UBR3: variants seen among roughly 807,000 people sequenced by gnomAD.
The protein encoded by UBR3 is ubiquitin protein ligase E3 component n-recognin 3, also known as E3 ubiquitin-protein ligase UBR3.
UBR3 carries 85 observed loss-of-function variants against 243.2 expected under a neutral mutation model. The ratio of observed to expected loss-of-function variants is 0.35; its 90% CI spans 0.29 to 0.42. The LOEUF (loss-of-function observed/expected upper bound fraction) is 0.42. Ranked by LOEUF, UBR3 falls within the 10% of genes least tolerant of loss-of-function variation. The pLI, the probability that UBR3 is intolerant of heterozygous loss-of-function variation, is 1.00. For synonymous variants in UBR3, 748 were observed against 799.8 expected, an observed-to-expected ratio of 0.94 and a Z score of 1.09; for missense variants, 1,686 against 2,300.8, an observed-to-expected ratio of 0.73 and a Z score of 5.47.
At chr2:169,895,102 A>T in intron 6 of UBR3, 79 bp from the exon 7 acceptor site, 1 of 1,321,272 alleles carries the variant, frequency 7.6e-7, no homozygotes, top group Non-Finnish European at 9.9e-7. Flanking sequence ...TTCCCATTTT[A>T]TGGTTTATGG....
chr2:169,882,003 A>C (rs1488932434), intron 5 of UBR3, among the ~76,000 whole-genome samples: 1 of 125,592 alleles, frequency 8.0e-6, no homozygotes, highest in African/African-American at 3.1e-5. Context: ...ATATTTATAT[A>C]ATATATAATA....
At chr2:169,925,566 T>G in intron 13 of UBR3, 53 bp from the exon 14 acceptor site, 1 of 1,452,844 alleles carries the variant, frequency 6.9e-7, no homozygotes, top group Non-Finnish European at 9.3e-7. Flanking sequence ...TTATAATATT[T>G]TGTAAAGATT....
At position 170,034,278 on chromosome 2, in the gene UBR3, G is replaced by A. The variant is rs140049502; in HGVS notation, c.4556+4830G>A. On this transcript the variant is annotated intron_variant, in intron 31 of 38. Coordinates refer to ENST00000272793, the MANE Select transcript of UBR3 (RefSeq NM_172070.4). ...TGTGCAATGACATTTGGCCACCGTT[G>A]TAGTATCATACAAAGTAGTTTCACT... Among the ~76,000 whole-genome samples, 17 of 151,992 alleles carry A rather than the reference G, an allele frequency of 1.1e-4. No individual in the cohort carries two copies. In the East Asian group the frequency reaches 3.3e-3, roughly 29 times the overall value.
intron 1 of UBR3, among the ~76,000 whole-genome samples, chr2:169,862,649 G>A (rs768623944): frequency 6.6e-6 from 1 of 151,800 alleles, no homozygotes; most frequent in Non-Finnish European, 1.5e-5. Context: ...TTTAGAATCA[G>A]CTTGTTTATT....
chr2:169,958,541 T>C lies in UBR3; in HGVS notation c.3634+15T>C. ...AATGGATGTTGGTAAGTCAAAATTA[T>C]TAGTTTAGAACTCTCATAATTATAC... On this transcript the variant is annotated intron_variant, in intron 24 of 38. Transcript: ENST00000272793. 6.2e-7 allele frequency: 1 copy of C among 1,608,436 alleles called. No homozygotes were observed. The highest frequency in any genetic ancestry group is 8.5e-7 in the Non-Finnish European group (1 of 1,175,840).
intron 24 of UBR3, among the ~76,000 whole-genome samples, chr2:169,982,338 T>A (rs951533245): frequency 6.6e-6 from 1 of 152,144 alleles, no homozygotes; most frequent in Admixed American, 6.5e-5. Context: ...GATTTTTGAT[T>A]GTTCTATAAA....
chr2:169,949,505 A>C (rs2086921989), intron 22 of UBR3, 100 bp from the exon 23 acceptor site: 1 of 1,089,474 alleles, frequency 9.2e-7, no homozygotes, highest in Non-Finnish European at 1.3e-6. Flanking sequence ...CTTTGTATGA[A>C]ACTGAGCATT....
intron 24 of UBR3, among the ~76,000 whole-genome samples, chr2:169,976,097 T>G (rs1398306856): frequency 7.5e-6 from 1 of 133,314 alleles, no homozygotes; most frequent in African/African-American, 2.5e-5. Context: ...AGGCAGCATA[T>G]AGTTGGGCCA....
At chr2:169,904,192 A>G (rs949581243) in intron 8 of UBR3, among the ~76,000 whole-genome samples, 3 of 152,220 alleles carry the variant, frequency 2.0e-5, no homozygotes, top group South Asian at 2.1e-4. Context: ...CAATTTCTGT[A>G]ATACCTCTCT....
rs112710833 is a variant in UBR3 at position 170,065,512 on chromosome 2, C to T, written c.5019+4069C>T. ...CCATGTTGGTCAGGCGGGCTGGTCTCGAATTCCTGGCCTCAAGTGATCCAC... is the reference window on the plus strand; with the variant it reads ...CCATGTTGGTCAGGCGGGCTGGTCTTGAATTCCTGGCCTCAAGTGATCCAC... On this transcript the variant is annotated intron_variant, in intron 35 of 38. Transcript: ENST00000272793. 6.4e-3 allele frequency among the ~76,000 whole-genome samples: 971 copies of T among 152,152 alleles called. 10 individuals carry two copies. The highest frequency in any genetic ancestry group is 0.022 in the African/African-American group (909 of 41,512).
intron 27 of UBR3, among the ~76,000 whole-genome samples, chr2:170,001,861 T>G (rs2089709543): frequency 7.9e-6 from 1 of 126,672 alleles, no homozygotes; most frequent in African/African-American, 3.1e-5. Flanking sequence ...TGCAGTGAGC[T>G]GAGGTTGCAC....
intron 19 of UBR3, among the ~76,000 whole-genome samples, chr2:169,936,339 G>GTGA (rs2086328532): frequency 6.6e-6 from 1 of 152,084 alleles, no homozygotes; most frequent in African/African-American, 2.4e-5. Flanking sequence ...GATTACAGGC[G>GTGA]TGAACCACCG....
chr2:169,986,646 T>G lies in UBR3; in HGVS notation c.3636T>G (p.Asp1212Glu), dbSNP rs765073362. 12 of 1,606,790 alleles carry G rather than the reference T, an allele frequency of 7.5e-6. No individual in the cohort carries two copies. Among genetic ancestry groups the G allele is most frequent in the African/African-American group, 1.3e-5 (1 of 74,832 alleles). ...AGAGATGTAACTTTTTTCCCTCAGATTCTCCTGAGAATGATATTCCTATGG... is the reference window on the plus strand; with the variant it reads ...AGAGATGTAACTTTTTTCCCTCAGAGTCTCCTGAGAATGATATTCCTATGG... ...KSFMETAMDV[D>E]SPENDIPMEI... Residue 1212 changes from aspartate to glutamate, a missense_variant and splice_region_variant, in exon 25 of 39, where the codon GAT becomes GAG. Transcript: ENST00000272793.
At chr2:169,899,065 G>A (rs1034714968) in intron 8 of UBR3, among the ~76,000 whole-genome samples, 9 of 151,082 alleles carry the variant, frequency 6.0e-5, no homozygotes, top group Admixed American at 1.3e-4. Context: ...TGCAACCTCC[G>A]CCTTCCAGGT....
chr2:169,907,039 T>TC (rs1553508772), intron 10 of UBR3, among the ~76,000 whole-genome samples: 6 of 145,488 alleles, frequency 4.1e-5, no homozygotes, highest in South Asian at 2.2e-4. Flanking sequence ...TTTCTTTCTT[T>TC]TTTTTTTTTT....
intron 24 of UBR3, among the ~76,000 whole-genome samples, chr2:169,970,304 T>C (rs2088060480): frequency 6.6e-6 from 1 of 150,588 alleles, no homozygotes; most frequent in Non-Finnish European, 1.5e-5. Flanking sequence ...TAGTTTATTA[T>C]TGATGTATAG....
At chr2:169,882,248 G>A (rs2083905797) in intron 5 of UBR3, among the ~76,000 whole-genome samples, 1 of 129,900 alleles carries the variant, frequency 7.7e-6, no homozygotes, top group African/African-American at 2.9e-5. Flanking sequence ...TATTGTATAT[G>A]TATATATATT....
chr2:169,869,641 A>T (rs1185313051), intron 1 of UBR3, among the ~76,000 whole-genome samples: 1 of 152,208 alleles, frequency 6.6e-6, no homozygotes, highest in Admixed American at 6.5e-5. Flanking sequence ...AGTAACTGTA[A>T]TGAAAATTTC....
intron 35 of UBR3, 89 bp downstream of exon 35, chr2:170,061,532 A>G (rs1172220085): frequency 7.3e-6 from 11 of 1,511,874 alleles, no homozygotes; most frequent in Admixed American, 3.9e-5. Context: ...CAGTGGCACA[A>G]TCTCGGCTTA....
Sources: allele counts gnomAD v4.1 joint callset (sites outside exome capture counted in the v4.1 genomes callset), GRCh38; gene constraint gnomAD v4.1.1; transcripts MANE v1.5; gene names NCBI Gene and HGNC (gene_info 2026-07-23, HGNC 2026-07-21).